TMEM94: variants seen among roughly 807,000 people sequenced by gnomAD.
TMEM94 encodes transmembrane protein 94.
A neutral mutation model predicts 158.6 loss-of-function variants in TMEM94; 81 were observed. That is an observed-to-expected ratio of 0.51 (90% CI 0.43 to 0.61). The LOEUF is 0.61. Among genes scored for constraint, TMEM94 ranks in the 20% least tolerant of loss-of-function variants. TMEM94 has a pLI of 0.00. For missense variants in TMEM94, 1,435 were observed against 1,762.0 expected, an observed-to-expected ratio of 0.81 and a Z score of 3.32; for synonymous variants, 751 against 730.7, an observed-to-expected ratio of 1.03 and a Z score of -0.45.
In TMEM94 at chr17:75,492,607, T is replaced by G; in HGVS notation, c.1730T>G (p.Leu577Arg). The G allele has an allele frequency of 1.2e-6, 2 of 1,614,086 alleles. No homozygotes were observed. The highest frequency in any genetic ancestry group is 1.7e-6 in the Non-Finnish European group (2 of 1,180,014). The change falls in exon 15 of 32, where the codon CTG becomes CGG. Residue 577 changes from leucine (L) to arginine (R), a missense_variant. Transcript: ENST00000314256. The surrounding 1 kb of genome is among the most constrained non-coding windows in gnomAD (Gnocchi z 4.4). ...CAGTTTGATGACTCCAACTGGCAGC[T>G]GCACCTCACCTCCCTCAAACCCCTG... Reference protein sequence around the residue: ...CIQFDDSNWQLHLTSLKPLGL... With the variant: ...CIQFDDSNWQRHLTSLKPLGL...
chr17:75,498,642 C>A lies in TMEM94; in HGVS notation c.3747C>A (p.Ile1249=). ...LIVLHTVFIS[I]THVHRTKPLW... The stretch of plus-strand genomic sequence containing the variant: ...CACCTTCCCCAGTCTTCATTTCCAT[C>A]ACCCATGTGCATCGCACCAAGCCCC... The change falls in exon 30 of 32, where the codon ATC becomes ATA. Residue 1249 remains isoleucine (I), a synonymous_variant. Coordinates refer to ENST00000314256, the MANE Select transcript of TMEM94 (RefSeq NM_014738.6). The surrounding 1 kb of genome is among the most constrained non-coding windows in gnomAD (Gnocchi z 6.7). 1 of 1,610,104 alleles carries A rather than the reference C, an allele frequency of 6.2e-7. No individual in the cohort carries two copies. Among genetic ancestry groups the A allele is most frequent in the Non-Finnish European group, 8.5e-7 (1 of 1,177,938 alleles).
rs776306168 is a variant in TMEM94, at chr17:75,471,912, C to T, written c.7C>T (p.Leu3=). 3.7e-6 allele frequency: 6 copies of T among 1,613,988 alleles called. No homozygotes were observed. The highest frequency in any genetic ancestry group is 2.2e-5 in the East Asian group (1 of 44,876). ...CCTGCAGTACTCTTGGCCCATGGAC[C>T]TGAAGGAGAAGCACCTGGTAGGCCA... The part of the protein sequence containing the change: MD[L]KEKHLGEPPS... The change falls in exon 2 of 32, where the codon CTG becomes TTG. Residue 3 remains leucine, a synonymous_variant. Transcript: ENST00000314256.
Position 75,494,635 on chromosome 17 carries a change from G to A in TMEM94, c.2416G>A (p.Gly806Arg), listed in dbSNP as rs375998099. The A allele has an allele frequency of 1.1e-5, 17 of 1,613,376 alleles. No individual in the cohort carries two copies. The African/African-American group carries it at 1.1e-4, about 10-fold the overall frequency. The change falls in exon 19 of 32, where the codon GGG (glycine) becomes AGG (arginine). Residue 806 changes from glycine (G) to arginine (R), a missense_variant. Physicochemically the swap from Gly to Arg is moderately radical, Grantham distance 125. Transcript: ENST00000314256. ...RSSWSSDEGIGEVLEKEDCMQ... is the reference protein window; with the variant it reads ...RSSWSSDEGIREVLEKEDCMQ... The stretch of plus-strand genomic sequence containing the variant: ...GTGTGTCCTGCCTGAAGAAGGGATC[G>A]GGGAGGTGCTGGAGAAGGAAGACTG...
chr17:75,488,634 C>A, intron 6 of TMEM94, 125 bp from the exon 7 acceptor site: 1 of 1,123,494 alleles, frequency 8.9e-7, no homozygotes, highest in Non-Finnish European at 1.3e-6. Context: ...GGCCCTGTCC[C>A]AGTGGACTCT....
At chr17:75,469,345 ATTT>A (rs10711780) in intron 1 of TMEM94, among the ~76,000 whole-genome samples, 35 of 124,732 alleles carry the variant, frequency 2.8e-4, no homozygotes, top group Non-Finnish European at 5.5e-4. Flanking sequence ...TTAACCCTAA[ATTT>A]TTTTTTTTTT....
chr17:75,482,693 G>A (rs945237635), intron 2 of TMEM94, among the ~76,000 whole-genome samples: 10 of 152,186 alleles, frequency 6.6e-5, no homozygotes, highest in Non-Finnish European at 1.5e-4. Flanking sequence ...TCCCGATTAA[G>A]GTGAAGCCTT....
chr17:75,497,998 C>A (rs2052898680), intron 27 of TMEM94, 136 bp downstream of exon 27: 3 of 1,157,022 alleles, frequency 2.6e-6, no homozygotes, highest in Admixed American at 4.2e-5. Flanking sequence ...TCCTAGTCTT[C>A]CCCCAGATCA....
chr17:75,492,401 G>A lies in TMEM94; in HGVS notation c.1597-73G>A. The stretch of plus-strand genomic sequence containing the variant: ...GGGCAGGAGCCCTCCCCAGCCTTGG[G>A]AGGTGGGCAGAGCCAGTGCTGGCTT... On this transcript the variant is annotated intron_variant, in intron 14 of 31. Transcript: ENST00000314256. The surrounding 1 kb of genome is among the most constrained non-coding windows in gnomAD (Gnocchi z 4.4). 1.3e-6 allele frequency: 2 copies of A among 1,503,894 alleles called. No homozygotes were observed. Among genetic ancestry groups the A allele is most frequent in the Non-Finnish European group, 1.8e-6 (2 of 1,125,362 alleles). 93.2% of individuals were successfully genotyped at this position (1,503,894 alleles called of 1,614,324 possible).
rs752070715 is a variant in TMEM94, at chr17:75,491,669, C to T, written c.1387-22C>T. ...GGCCATGGGAGCCACTGGTCCTAGC[C>T]TGTGCTCCTCATTCTCTTCAGCCCC... On this transcript the variant is annotated intron_variant, in intron 13 of 31. Coordinates refer to ENST00000314256, the MANE Select transcript of TMEM94 (RefSeq NM_014738.6). The surrounding 1 kb of genome is among the most constrained non-coding windows in gnomAD (Gnocchi z 5.1). The T allele has an allele frequency of 1.9e-6, 3 of 1,612,226 alleles. No individual in the cohort carries two copies. Among genetic ancestry groups the T allele is most frequent in the Non-Finnish European group, 2.5e-6 (3 of 1,178,556 alleles).
At chr17:75,465,656 T>TATATATATATA (rs2050277572) in intron 1 of TMEM94, among the ~76,000 whole-genome samples, 1 of 35,014 alleles carries the variant, frequency 2.9e-5, no homozygotes, top group African/African-American at 2.3e-4. Flanking sequence ...TAAGAATTTT[T>TATATATATATA]ATATATATAT....
chr17:75,495,214 T>C lies in TMEM94; in HGVS notation c.2729-70T>C. The stretch of plus-strand genomic sequence containing the variant: ...GAAGGAGTGGACACAGGCAAAAAAT[T>C]CTCTGCAGGGCAAGGACAGGTTCCC... On this transcript the variant is annotated intron_variant, in intron 20 of 31. Coordinates refer to ENST00000314256, the MANE Select transcript of TMEM94 (RefSeq NM_014738.6). The surrounding 1 kb of genome is among the most constrained non-coding windows in gnomAD (Gnocchi z 5.6). 1 of 1,426,682 alleles carries C rather than the reference T, an allele frequency of 7.0e-7. No individual in the cohort carries two copies. The highest frequency in any genetic ancestry group is 9.6e-7 in the Non-Finnish European group (1 of 1,046,108). 88.4% of individuals were successfully genotyped at this position (1,426,682 alleles called of 1,614,324 possible).
At chr17:75,466,645 C>T (rs1023178716) in intron 1 of TMEM94, among the ~76,000 whole-genome samples, 2 of 151,862 alleles carry the variant, frequency 1.3e-5, no homozygotes, top group Non-Finnish European at 2.9e-5. Flanking sequence ...GGTGAAACCC[C>T]GTCTCTACTA....
Position 75,491,039 on chromosome 17 carries a change from C to A in TMEM94, c.1129-10C>A. 1.9e-6 allele frequency: 3 copies of A among 1,597,264 alleles called. No homozygotes were observed. Among genetic ancestry groups the A allele is most frequent in the Non-Finnish European group, 2.6e-6 (3 of 1,170,162 alleles). On this transcript the variant is annotated splice_polypyrimidine_tract_variant and intron_variant, in intron 11 of 31. Coordinates refer to ENST00000314256, the MANE Select transcript of TMEM94 (RefSeq NM_014738.6). The surrounding 1 kb of genome is among the most constrained non-coding windows in gnomAD (Gnocchi z 5.1). ...CTAAATGGCCTTGCAGACTTCCTCT[C>A]TCCCACCAGGAAATGCTGCGCTGCA... is the stretch of plus-strand genomic sequence containing the variant.
intron 2 of TMEM94, among the ~76,000 whole-genome samples, chr17:75,478,329 TAAAAAAAAAA>T (rs57199058): frequency 1.0e-5 from 1 of 97,566 alleles, no homozygotes; most frequent in Non-Finnish European, 2.1e-5. Flanking sequence ...GACTCCATCT[TAAAAAAAAAA>T]AAAAAAAAAA....
chr17:75,498,265 TTC>T lies in TMEM94; in HGVS notation c.3582_3583del (p.Phe1194LeufsTer2). On this transcript the variant is annotated frameshift_variant, in exon 28 of 32. Coordinates refer to ENST00000314256, the MANE Select transcript of TMEM94 (RefSeq NM_014738.6). LOFTEE classifies it high-confidence loss of function. The surrounding 1 kb of genome is among the most constrained non-coding windows in gnomAD (Gnocchi z 6.7). Reference sequence around the variant, plus strand: ...CTGCTTTGGCTTCACACTGCAGAGCTTCTGTGACAGCTCCCGGGACCGCAACC... The same window carrying T: ...CTGCTTTGGCTTCACACTGCAGAGCTTGTGACAGCTCCCGGGACCGCAACC... Reference protein sequence around the residue: ...LICFGFTLQSFCDSSRDRNLT... With the variant: ...LICFGFTLQSXCDSSRDRNLT... The T allele has an allele frequency of 6.2e-7, 1 of 1,613,676 alleles. No individual in the cohort carries two copies. Among genetic ancestry groups the T allele is most frequent in the Non-Finnish European group, 8.5e-7 (1 of 1,180,012 alleles).
intron 2 of TMEM94, among the ~76,000 whole-genome samples, chr17:75,478,291 A>AC (rs2050865792): frequency 7.1e-6 from 1 of 141,580 alleles, no homozygotes; most frequent in Non-Finnish European, 1.5e-5. Context: ...TGCTGGGATT[A>AC]CAGGCGTGAG....
chr17:75,496,881 G>A, intron 25 of TMEM94, 74 bp downstream of exon 25: 1 of 1,497,872 alleles, frequency 6.7e-7, no homozygotes, highest in Non-Finnish European at 9.3e-7. Flanking sequence ...GAAAATCTGA[G>A]GAAGGAGGCT....
At position 75,498,344 on chromosome 17, in the gene TMEM94, T is replaced by TC; in HGVS notation, c.3638+23dup. The stretch of plus-strand genomic sequence containing the variant: ...CCCAGGTGGGTCCCAGCCCCAGAGA[T>TC]CCACCCATCGCCTGCCTCGCCTCGA... On this transcript the variant is annotated intron_variant, in intron 28 of 31. Coordinates refer to ENST00000314256, the MANE Select transcript of TMEM94 (RefSeq NM_014738.6). This position sits in a 1 kb window ranked among gnomAD's most constrained non-coding sequence, Gnocchi z 6.7. 6.2e-7 allele frequency: 1 copy of TC among 1,612,780 alleles called. No homozygotes were observed. The highest frequency in any genetic ancestry group is 8.5e-7 in the Non-Finnish European group (1 of 1,179,936).
At position 75,495,728 on chromosome 17, in the gene TMEM94, A is replaced by G; in HGVS notation, c.2944+85A>G. 1 of 1,298,970 alleles carries G rather than the reference A, an allele frequency of 7.7e-7. No individual in the cohort carries two copies. The highest frequency in any genetic ancestry group is 1.1e-6 in the Non-Finnish European group (1 of 909,098). The allele number at this position is 1,298,970 out of a possible 1,614,324, so 80.5% of individuals were successfully genotyped here. A position where few individuals can be genotyped will look rare whatever the true frequency, so the allele number is the denominator to read the frequency against. On this transcript the variant is annotated intron_variant, in intron 22 of 31. Transcript: ENST00000314256. The surrounding 1 kb of genome is among the most constrained non-coding windows in gnomAD (Gnocchi z 5.6). Reference sequence around the variant, plus strand: ...GGCCTGCGTACCCCGTGGGCTCTGGAGGGATGTAGGTTTCCCATGCAGGGA... The same window carrying G: ...GGCCTGCGTACCCCGTGGGCTCTGGGGGGATGTAGGTTTCCCATGCAGGGA...
Sources: allele counts gnomAD v4.1 joint callset (sites outside exome capture counted in the v4.1 genomes callset), GRCh38; gene constraint gnomAD v4.1.1; non-coding constraint Gnocchi (gnomAD v3.1); transcripts MANE v1.5; gene names NCBI Gene and HGNC (gene_info 2026-07-23, HGNC 2026-07-21).